Variants in AUH observed in about 807,000 individuals in gnomAD.
AUH encodes methylglutaconyl-CoA hydratase, mitochondrial.
A neutral mutation model predicts 42.3 loss-of-function variants in AUH; 29 were observed. The observed-to-expected ratio is 0.69, with a 90% confidence interval of 0.51 to 0.93. The LOEUF (loss-of-function observed/expected upper bound fraction) is 0.93. Ranked by LOEUF, AUH falls within the 40% of genes least tolerant of loss-of-function variation. The probability of loss-of-function intolerance (pLI) is 0.00; values close to 1 mark genes in which losing one functional copy is unlikely to be tolerated. For synonymous variants in AUH, 174 were observed against 166.4 expected, an observed-to-expected ratio of 1.05 and a Z score of -0.35; for missense variants, 452 against 438.1, an observed-to-expected ratio of 1.03 and a Z score of -0.28.
At chr9:91,292,775 C>A (rs536838921) in intron 6 of AUH, among the ~76,000 whole-genome samples, 19 of 152,230 alleles carry the variant, frequency 1.2e-4, no homozygotes, top group Admixed American at 5.2e-4. Flanking sequence ...TCTACGTAAG[C>A]TAAAAATAGG....
intron 3 of AUH, among the ~76,000 whole-genome samples, chr9:91,335,973 T>C (rs1008067400): frequency 6.6e-6 from 1 of 152,166 alleles, no homozygotes. Flanking sequence ...TCAACCACTG[T>C]GGATGAATGT....
At position 91,271,829 on chromosome 9, in the gene AUH, C is replaced by T. The variant is rs1587737343; in HGVS notation, c.655+24192G>A. Among the ~76,000 whole-genome samples the T allele has an allele frequency of 2.0e-5, 3 of 152,076 alleles. No individual in the cohort carries two copies. The South Asian group carries it at 6.2e-4, about 32-fold the overall frequency. The stretch of plus-strand genomic sequence containing the variant: ...CTGAGCAGCTGGTATTACAGGCGCC[C>T]GCCACCACGCCCGGCTAATTCTTTG... On this transcript the variant is annotated intron_variant, in intron 6 of 9. Coordinates refer to ENST00000375731, the MANE Select transcript of AUH (RefSeq NM_001698.3).
At chr9:91,345,832 C>CAAA (rs57372374) in intron 3 of AUH, among the ~76,000 whole-genome samples, 2 of 94,004 alleles carry the variant, frequency 2.1e-5, no homozygotes, top group Non-Finnish European at 2.0e-5. Flanking sequence ...GACTCCATCG[C>CAAA]AAAAAAAAAA....
intron 6 of AUH, among the ~76,000 whole-genome samples, chr9:91,239,668 C>T (rs1828390015): frequency 6.6e-6 from 1 of 152,146 alleles, no homozygotes; most frequent in Non-Finnish European, 1.5e-5. Context: ...TTTATCCTTC[C>T]ATTTGTGACC....
intron 3 of AUH, among the ~76,000 whole-genome samples, chr9:91,326,481 TTATAAA>T (rs1232458571): frequency 6.6e-6 from 1 of 152,078 alleles, no homozygotes; most frequent in Non-Finnish European, 1.5e-5. Flanking sequence ...AAGGACATAA[TTATAAA>T]TAGAATGTTA....
intron 6 of AUH, among the ~76,000 whole-genome samples, chr9:91,231,420 C>G (rs974775341): frequency 6.6e-6 from 1 of 152,220 alleles, no homozygotes; most frequent in Non-Finnish European, 1.5e-5. Flanking sequence ...GGCTCACACA[C>G]GGTGCGCGCA....
At chr9:91,319,424 T>C (rs1829402368) in intron 4 of AUH, among the ~76,000 whole-genome samples, 1 of 152,198 alleles carries the variant, frequency 6.6e-6, no homozygotes, top group Non-Finnish European at 1.5e-5. Context: ...ACACCAGGAA[T>C]GTCAGGTGAC....
chr9:91,225,145 G>A (rs923505019), intron 6 of AUH, among the ~76,000 whole-genome samples: 2 of 152,158 alleles, frequency 1.3e-5, no homozygotes, highest in East Asian at 3.8e-4. Context: ...TATTCTTGCT[G>A]GTTAAGGAAG....
intron 1 of AUH, among the ~76,000 whole-genome samples, chr9:91,358,409 C>A (rs1385863583): frequency 6.6e-6 from 1 of 152,144 alleles, no homozygotes; most frequent in Non-Finnish European, 1.5e-5. Flanking sequence ...CCCAGTCTGC[C>A]GCTTACTAGC....
intron 6 of AUH, among the ~76,000 whole-genome samples, chr9:91,286,230 C>G (rs985649829): frequency 1.3e-5 from 2 of 152,128 alleles, no homozygotes; most frequent in Non-Finnish European, 2.9e-5. Flanking sequence ...ACTACACACA[C>G]TCACAGGATT....
chr9:91,220,176 A>G (rs1827050839), intron 7 of AUH, among the ~76,000 whole-genome samples: 3 of 152,212 alleles, frequency 2.0e-5, no homozygotes, highest in Admixed American at 6.5e-5. Context: ...CTGTCAGTGC[A>G]CGGCCACTGA....
intron 3 of AUH, among the ~76,000 whole-genome samples, chr9:91,330,672 G>GA (rs1336785360): frequency 6.6e-6 from 1 of 152,100 alleles, no homozygotes; most frequent in African/African-American, 2.4e-5. Flanking sequence ...TAAAAGCTGG[G>GA]AACACCTCAA....
intron 6 of AUH, among the ~76,000 whole-genome samples, chr9:91,265,684 A>G (rs1023506351): frequency 1.3e-5 from 2 of 152,214 alleles, no homozygotes; most frequent in African/African-American, 4.8e-5. Context: ...ACTCCACAGA[A>G]TGAGAAGGAT....
Position 91,312,497 on chromosome 9 carries a change from G to T in AUH, c.505+12821C>A, listed in dbSNP as rs111258503. ...AATCCCAGCACTTTAGGAGGCCAAG[G>T]TGGGGGTATCACTTGAGGCCAGGAG... On this transcript the variant is annotated intron_variant, in intron 4 of 9. Transcript: ENST00000375731. Among the ~76,000 whole-genome samples the T allele has an allele frequency of 3.0e-3, 463 of 152,326 alleles. 4 individuals are homozygous for T. The highest frequency in any genetic ancestry group is 0.01 in the African/African-American group (428 of 41,578).
intron 4 of AUH, among the ~76,000 whole-genome samples, chr9:91,319,330 G>A (rs143398455): frequency 3.5e-4 from 54 of 152,252 alleles, no homozygotes; most frequent in Non-Finnish European, 3.2e-4. Flanking sequence ...TGGATTTAAT[G>A]TTGTAAATTC....
At chr9:91,278,191 C>T (rs1027577328) in intron 6 of AUH, among the ~76,000 whole-genome samples, 5 of 152,086 alleles carry the variant, frequency 3.3e-5, no homozygotes, top group Non-Finnish European at 7.4e-5. Flanking sequence ...CCATGCCTAG[C>T]GACCACAGGA....
intron 6 of AUH, among the ~76,000 whole-genome samples, chr9:91,225,842 G>A (rs1476766211): frequency 1.3e-5 from 2 of 151,834 alleles, no homozygotes; most frequent in East Asian, 1.9e-4. Flanking sequence ...TGAGAATGAC[G>A]ATTTCCAATT....
chr9:91,284,935 T>C (rs1447353035), intron 6 of AUH, among the ~76,000 whole-genome samples: 6 of 152,188 alleles, frequency 3.9e-5, no homozygotes, highest in Non-Finnish European at 8.8e-5. Flanking sequence ...AGAAACACCA[T>C]TTGACCCAGC....
intron 6 of AUH, among the ~76,000 whole-genome samples, chr9:91,256,170 G>A (rs1829393935): frequency 6.6e-6 from 1 of 152,134 alleles, no homozygotes; most frequent in Non-Finnish European, 1.5e-5. Context: ...CTTCTACCCA[G>A]ACTGTAGCAA....
Sources: gnomAD v4.1 joint callset for allele counts (sites outside exome capture counted in the v4.1 genomes callset) on GRCh38, gnomAD v4.1.1 for gene constraint, MANE v1.5 for transcripts, NCBI Gene and HGNC (gene_info 2026-07-23, HGNC 2026-07-21) for gene names.